The following NYAP2 variants were observed in gnomAD, a reference collection of about 807,000 sequenced individuals.
NYAP2 encodes the protein neuronal tyrosine-phosphorylated phosphoinositide-3-kinase adaptor 2, also known as neuronal tyrosine-phosphorylated phosphoinositide-3-kinase adapter 2.
In NYAP2, 23 loss-of-function variants were observed where a neutral mutation model predicts 50.4. The observed-to-expected ratio is 0.46, with a 90% CI of 0.33 to 0.65. The LOEUF (loss-of-function observed/expected upper bound fraction) is 0.65, where lower values mean the gene tolerates loss of function less well. NYAP2 is among the 30% of genes least tolerant of loss of function. NYAP2 has a pLI of 0.02. For missense variants in NYAP2, 885 were observed against 861.0 expected (o/e 1.03, Z -0.35); for synonymous variants, 394 against 365.2 (o/e 1.08, Z -0.90).
chr2:225,552,160 C>T (rs1330467835), intron 4 of NYAP2, among the ~76,000 whole-genome samples: 1 of 152,032 alleles, frequency 6.6e-6, no homozygotes, highest in South Asian at 2.1e-4. Context: ...CTCATTTGTC[C>T]AATTTCATGG....
intron 3 of NYAP2, among the ~76,000 whole-genome samples, chr2:225,475,358 C>A (rs973501890): frequency 6.6e-6 from 1 of 152,148 alleles, no homozygotes; most frequent in African/African-American, 2.4e-5. Context: ...TCTCTTTGTT[C>A]TACCCTCCCC....
chr2:225,434,265 G>A (rs907299699), intron 3 of NYAP2, among the ~76,000 whole-genome samples: 15 of 152,224 alleles, frequency 9.9e-5, no homozygotes, highest in African/African-American at 3.6e-4. Context: ...CAGCATCCTA[G>A]GGGGCTTCAA....
intron 4 of NYAP2, among the ~76,000 whole-genome samples, chr2:225,527,482 A>C (rs1285137751): frequency 6.6e-6 from 1 of 152,140 alleles, no homozygotes; most frequent in African/African-American, 2.4e-5. Context: ...GTTGTTGGCA[A>C]AACTTCTTTT....
At chr2:225,407,715 G>A (rs1694965896) in intron 2 of NYAP2, among the ~76,000 whole-genome samples, 1 of 151,930 alleles carries the variant, frequency 6.6e-6, no homozygotes, top group African/African-American at 2.4e-5. Context: ...ACATGCAAGG[G>A]AATTGATAAC....
At chr2:225,501,758 C>G (rs1254769376) in intron 3 of NYAP2, among the ~76,000 whole-genome samples, 1 of 152,174 alleles carries the variant, frequency 6.6e-6, no homozygotes, top group East Asian at 1.9e-4. Context: ...CTGAAACTAC[C>G]TAGCAGTTTT....
intron 6 of NYAP2, among the ~76,000 whole-genome samples, chr2:225,632,046 G>A (rs528870301): frequency 6.6e-6 from 1 of 152,240 alleles, no homozygotes; most frequent in South Asian, 2.1e-4. Context: ...TCAAACTCCT[G>A]ACCTCAGGTG....
the NYAP2 span, chr2:225,703,192 T>C: frequency 6.6e-6 from 1 of 151,712 alleles, no homozygotes; most frequent in African/African-American, 2.4e-5. Context: ...TATGAGAAGA[T>C]GATATAAAAA....
intron 3 of NYAP2, among the ~76,000 whole-genome samples, chr2:225,410,221 G>A (rs1177619127): frequency 1.3e-5 from 2 of 152,026 alleles, no homozygotes; most frequent in Non-Finnish European, 2.9e-5. Flanking sequence ...TGTTTTAAAA[G>A]AGAACTCTTT....
chr2:225,427,505 G>C (rs1396957432), intron 3 of NYAP2, among the ~76,000 whole-genome samples: 1 of 152,164 alleles, frequency 6.6e-6, no homozygotes, highest in African/African-American at 2.4e-5. Flanking sequence ...TAGTCCTCCT[G>C]CAAGTTTAGC....
At chr2:225,478,328 G>A (rs2106163532) in intron 3 of NYAP2, among the ~76,000 whole-genome samples, 1 of 152,096 alleles carries the variant, frequency 6.6e-6, no homozygotes, top group Middle Eastern at 3.4e-3. Context: ...CAGGAATCCA[G>A]GAAGAAGAAG....
At chr2:225,450,693 C>G (rs1278759691) in intron 3 of NYAP2, among the ~76,000 whole-genome samples, 2 of 152,204 alleles carry the variant, frequency 1.3e-5, no homozygotes, top group Non-Finnish European at 2.9e-5. Context: ...AGAAAAGTGG[C>G]TGCCACATAG....
chr2:225,591,122 C>A (rs1692493889), intron 5 of NYAP2, among the ~76,000 whole-genome samples: 1 of 152,104 alleles, frequency 6.6e-6, no homozygotes, highest in South Asian at 2.1e-4. Context: ...CATGGCGGGC[C>A]CTCCAGATGG....
At chr2:225,531,145 A>G (rs933064007) in intron 4 of NYAP2, among the ~76,000 whole-genome samples, 6 of 152,170 alleles carry the variant, frequency 3.9e-5, no homozygotes, top group African/African-American at 1.4e-4. Context: ...AACTGAACTC[A>G]TTAGCATGAC....
At chr2:225,614,986 C>T (rs1692963212) in intron 5 of NYAP2, among the ~76,000 whole-genome samples, 1 of 152,170 alleles carries the variant, frequency 6.6e-6, no homozygotes, top group Non-Finnish European at 1.5e-5. Context: ...AAGTTTCCAT[C>T]TAGTGGGTGT....
At chr2:225,474,528 C>T (rs1289501896) in intron 3 of NYAP2, among the ~76,000 whole-genome samples, 5 of 152,276 alleles carry the variant, frequency 3.3e-5, no homozygotes, top group African/African-American at 1.2e-4. Context: ...TCCTTCACAT[C>T]CCTTGTAAGT....
the NYAP2 span, among the ~76,000 whole-genome samples, chr2:225,697,046 T>C: frequency 6.6e-6 from 1 of 151,922 alleles, no homozygotes; most frequent in Admixed American, 6.6e-5. Context: ...ATTTTAATGC[T>C]TCAAGTCATA....
chr2:225,592,017 G>C (rs960488353), intron 5 of NYAP2, among the ~76,000 whole-genome samples: 8 of 152,176 alleles, frequency 5.3e-5, no homozygotes, highest in African/African-American at 1.9e-4. Context: ...GTGGTCTGCT[G>C]CCCAGTGGGC....
intron 6 of NYAP2, among the ~76,000 whole-genome samples, chr2:225,630,345 C>T (rs769251606): frequency 3.3e-5 from 5 of 152,180 alleles, no homozygotes; most frequent in Admixed American, 1.3e-4. Flanking sequence ...TGTTCAGGGA[C>T]GTCAAGGACC....
chr2:225,513,387 G>C, exon 4 of NYAP2: 1 of 1,613,950 alleles, frequency 6.2e-7, no homozygotes, highest in Non-Finnish European at 8.5e-7. Flanking sequence ...TGGAGAAGTA[G>C]GGCGAGGCCA....
Sources: allele counts gnomAD v4.1 joint callset (sites outside exome capture counted in the v4.1 genomes callset), GRCh38; gene constraint gnomAD v4.1.1; transcripts MANE v1.5; gene names NCBI Gene and HGNC (gene_info 2026-07-23, HGNC 2026-07-21).